Variants in ENPEP observed in about 807,000 individuals in gnomAD.
ENPEP encodes the protein AP-A.
In ENPEP, 103 loss-of-function variants were observed where a neutral mutation model predicts 114.5. That is an observed-to-expected ratio of 0.90 (90% CI 0.77 to 1.06). ENPEP has a LOEUF of 1.06. ENPEP is among the 50% of genes least tolerant of loss of function. The pLI is 0.00. For missense variants in ENPEP, 1,196 were observed against 1,161.3 expected (o/e 1.03, Z -0.43); for synonymous variants, 420 against 422.0 (o/e 1.00, Z 0.06).
intron 4 of ENPEP, 55 bp from the exon 5 acceptor site, chr4:110,509,598 G>A: frequency 6.4e-7 from 1 of 1,557,578 alleles, no homozygotes; most frequent in Non-Finnish European, 8.6e-7. Context: ...GGTAAGAAAA[G>A]CTATGAACAA....
chr4:110,485,213 G>A (rs1724458736), intron 1 of ENPEP, among the ~76,000 whole-genome samples: 1 of 152,108 alleles, frequency 6.6e-6, no homozygotes, highest in Non-Finnish European at 1.5e-5. Flanking sequence ...AACTTCAATT[G>A]ACTAAACTGT....
intron 11 of ENPEP, among the ~76,000 whole-genome samples, chr4:110,542,353 G>A (rs1366813204): frequency 2.0e-5 from 3 of 151,950 alleles, no homozygotes; most frequent in Non-Finnish European, 2.9e-5. Flanking sequence ...GGTGAATATT[G>A]TTTGTGTAAT....
intron 1 of ENPEP, among the ~76,000 whole-genome samples, chr4:110,479,370 CTT>C (rs541521052): frequency 9.4e-4 from 143 of 152,210 alleles, no homozygotes; most frequent in African/African-American, 3.3e-3. Flanking sequence ...AAGGCGCATC[CTT>C]ATATTGACTA....
At chr4:110,514,414 G>T (rs1448277209) in intron 7 of ENPEP, among the ~76,000 whole-genome samples, 1 of 151,942 alleles carries the variant, frequency 6.6e-6, no homozygotes, top group Admixed American at 6.6e-5. Flanking sequence ...GATTCCCATG[G>T]TGTATGTTCA....
At chr4:110,530,071 C>T (rs554996683) in intron 10 of ENPEP, among the ~76,000 whole-genome samples, 5 of 110,676 alleles carry the variant, frequency 4.5e-5, no homozygotes, top group South Asian at 3.2e-4. Flanking sequence ...AATGAAACTC[C>T]GTCTAAAAAG....
At chr4:110,479,613 T>G (rs1724238190) in intron 1 of ENPEP, among the ~76,000 whole-genome samples, 1 of 152,182 alleles carries the variant, frequency 6.6e-6, no homozygotes, top group South Asian at 2.1e-4. Flanking sequence ...CGACTATTCC[T>G]CTGAGCCTTA....
At chr4:110,481,859 C>T (rs1724323043) in intron 1 of ENPEP, among the ~76,000 whole-genome samples, 1 of 151,998 alleles carries the variant, frequency 6.6e-6, no homozygotes, top group Admixed American at 6.6e-5. Context: ...TTCTTCGTAG[C>T]GCTAGTAGGA....
In ENPEP at chr4:110,545,053, A is replaced by G. The variant is rs1037328405; in HGVS notation, c.2000+1983A>G. 1.4e-4 allele frequency among the ~76,000 whole-genome samples: 21 copies of G among 152,088 alleles called. 1 individual carries two copies. The highest frequency in any genetic ancestry group is 1.5e-5 in the Non-Finnish European group (1 of 67,988). The stretch of plus-strand genomic sequence containing the variant: ...GATTCAACGAGCATTGGTTAGAGCC[A>G]AGAGGGCAGCTTCAAAGACCACATA... On this transcript the variant is annotated intron_variant, in intron 13 of 19. Coordinates refer to ENST00000265162, the MANE Select transcript of ENPEP (RefSeq NM_001977.4).
At chr4:110,543,647 A>T (rs1015043805) in intron 13 of ENPEP, among the ~76,000 whole-genome samples, 4 of 148,866 alleles carry the variant, frequency 2.7e-5, no homozygotes, top group Non-Finnish European at 6.0e-5. Flanking sequence ...TGGTACCTCT[A>T]TTTTTTTTTT....
intron 13 of ENPEP, among the ~76,000 whole-genome samples, chr4:110,545,018 G>T (rs928871243): frequency 2.0e-5 from 3 of 152,096 alleles, no homozygotes; most frequent in African/African-American, 4.8e-5. Flanking sequence ...ATGGGACTCG[G>T]AGAGAAACAG....
intron 10 of ENPEP, among the ~76,000 whole-genome samples, chr4:110,525,045 G>C (rs1726142865): frequency 6.6e-6 from 1 of 152,146 alleles, no homozygotes. Flanking sequence ...AGCCATCGCA[G>C]ATGACCTCAA....
At chr4:110,539,695 T>G (rs1166409811) in intron 11 of ENPEP, among the ~76,000 whole-genome samples, 1 of 152,126 alleles carries the variant, frequency 6.6e-6, no homozygotes, top group East Asian at 1.9e-4. Context: ...CGGCCTCAGC[T>G]CTTTTACTAT....
intron 7 of ENPEP, among the ~76,000 whole-genome samples, chr4:110,514,291 C>T (rs1209841364): frequency 6.6e-6 from 1 of 151,934 alleles, no homozygotes; most frequent in African/African-American, 2.4e-5. Flanking sequence ...TACCTAAAGT[C>T]TTATTTGAGT....
In ENPEP at chr4:110,553,384, C is replaced by G. The variant is rs372953285; in HGVS notation, c.2571C>G (p.Ile857Met). Residue 857 changes from isoleucine to methionine, a missense_variant, in exon 18 of 20, where the codon ATC (isoleucine) becomes ATG (methionine). By Grantham distance (10) the Ile-to-Met change is conservative. Transcript: ENST00000265162. ...ATGTGTTTACAGTCATTCGATATAT[C>G]TCATATAACAGCTATGGGAAGAACA... is the stretch of plus-strand genomic sequence containing the variant. ...TQDVFTVIRY[I>M]SYNSYGKNMA... 5.0e-6 allele frequency: 8 copies of G among 1,611,236 alleles called. No individual in the cohort carries two copies. The highest frequency in any genetic ancestry group is 1.6e-4 in the Middle Eastern group (1 of 6,080).
intron 13 of ENPEP, among the ~76,000 whole-genome samples, chr4:110,544,486 T>G (rs1195557611): frequency 6.6e-6 from 1 of 152,074 alleles, no homozygotes; most frequent in East Asian, 1.9e-4. Context: ...AATAGATTAT[T>G]TTCACTATAT....
At chr4:110,483,391 T>C (rs1724385872) in intron 1 of ENPEP, among the ~76,000 whole-genome samples, 1 of 152,150 alleles carries the variant, frequency 6.6e-6, no homozygotes, top group Admixed American at 6.5e-5. Flanking sequence ...ACTTATAAAA[T>C]TGCTCAGCAC....
At position 110,481,412 on chromosome 4, in the gene ENPEP, T is replaced by C. The variant is rs1373411302; in HGVS notation, c.644+4354T>C. ...CTTTTATATGATAATGTCCTCTATG[T>C]AGTTTCCCAACTCTCTGTGACTATG... On this transcript the variant is annotated intron_variant, in intron 1 of 19. Coordinates refer to ENST00000265162, the MANE Select transcript of ENPEP (RefSeq NM_001977.4). Among the ~76,000 whole-genome samples, 3 of 152,130 alleles carry C rather than the reference T, an allele frequency of 2.0e-5. No homozygotes were observed. In the East Asian group the frequency reaches 5.8e-4, roughly 29 times the overall value.
At chr4:110,491,600 A>G (rs533991807) in intron 3 of ENPEP, among the ~76,000 whole-genome samples, 26 of 152,336 alleles carry the variant, frequency 1.7e-4, no homozygotes, top group African/African-American at 5.8e-4. Context: ...CCATTCCTAT[A>G]TGTAATCAAA....
chr4:110,476,613 C>T lies in ENPEP; in HGVS notation c.199C>T (p.Pro67Ser). 1 of 1,614,168 alleles carries T rather than the reference C, an allele frequency of 6.2e-7. No homozygotes were observed. Residue 67 changes from proline (P) to serine (S), a missense_variant, in exon 1 of 20, where the codon CCC (proline) becomes TCC (serine). By Grantham distance (74) the Pro-to-Ser change is moderately conservative. Coordinates refer to ENST00000265162, the MANE Select transcript of ENPEP (RefSeq NM_001977.4). ...CCACCTGCCTTCTTCCACGGCCAGCCCCTCAGGTCCTCCTGCCCAGGACCA... is the reference window on the plus strand; with the variant it reads ...CCACCTGCCTTCTTCCACGGCCAGCTCCTCAGGTCCTCCTGCCCAGGACCA... The part of the protein sequence containing the change: ...PSHLPSSTAS[P>S]SGPPAQDQDI...
Sources: allele counts gnomAD v4.1 joint callset (sites outside exome capture counted in the v4.1 genomes callset), GRCh38; gene constraint gnomAD v4.1.1; transcripts MANE v1.5; gene names NCBI Gene and HGNC (gene_info 2026-07-23, HGNC 2026-07-21).